IL1RAPL1: variants seen among roughly 807,000 people sequenced by gnomAD.
IL1RAPL1 encodes the protein interleukin 1 receptor accessory protein like 1.
IL1RAPL1 carries 3 observed loss-of-function variants against 48.4 expected under a neutral mutation model. The observed-to-expected ratio is 0.06, with a 90% confidence interval of 0.03 to 0.16. The LOEUF (loss-of-function observed/expected upper bound fraction) is 0.16. Among genes scored for constraint, IL1RAPL1 ranks in the 10% least tolerant of loss-of-function variants. The pLI, the probability that IL1RAPL1 is intolerant of heterozygous loss-of-function variation, is 1.00. For missense variants in IL1RAPL1, 349 were observed against 530.6 expected (o/e 0.66, Z 3.36); for synonymous variants, 185 against 187.7 (o/e 0.99, Z 0.12).
At chrX:29,474,684 C>T (rs956504253) in intron 5 of IL1RAPL1, among the ~76,000 whole-genome samples, 2 of 111,697 alleles carry the variant, frequency 1.8e-5, no homozygotes, top group Non-Finnish European at 3.8e-5. Flanking sequence ...CTCTTTTAAA[C>T]AACCAGATCT....
chrX:28,657,518 G>A (rs1248080454), intron 1 of IL1RAPL1, among the ~76,000 whole-genome samples: 1 of 112,337 alleles, frequency 8.9e-6, no homozygotes, highest in Non-Finnish European at 1.9e-5. Flanking sequence ...GCCAAAATGA[G>A]GTTCTAAGGG....
intron 6 of IL1RAPL1, among the ~76,000 whole-genome samples, chrX:29,826,330 A>C (rs897506587): frequency 8.9e-6 from 1 of 111,950 alleles, no homozygotes; most frequent in South Asian, 3.7e-4. Context: ...CATAACCCCA[A>C]GAATTTCTAA....
At chrX:29,493,069 T>C (rs938044097) in intron 5 of IL1RAPL1, among the ~76,000 whole-genome samples, 1 of 112,157 alleles carries the variant, frequency 8.9e-6, no homozygotes, top group Non-Finnish European at 1.9e-5. Flanking sequence ...ACTGGCATTA[T>C]TGCATTGCAC....
At chrX:29,605,801 T>C (rs1323197494) in intron 5 of IL1RAPL1, among the ~76,000 whole-genome samples, 1 of 112,280 alleles carries the variant, frequency 8.9e-6, no homozygotes, top group Non-Finnish European at 1.9e-5. Flanking sequence ...AAATGTGTAA[T>C]GTTTTTTGAA....
chrX:29,069,628 AACACAC>A (rs56373899), intron 2 of IL1RAPL1, among the ~76,000 whole-genome samples: 941 of 83,721 alleles, frequency 0.011, 15 homozygotes, highest in African/African-American at 0.028. Flanking sequence ...TTTCCTATAG[AACACAC>A]ACACACACAC....
intron 6 of IL1RAPL1, among the ~76,000 whole-genome samples, chrX:29,687,671 G>T (rs776602504): frequency 3.6e-5 from 4 of 111,965 alleles, no homozygotes; most frequent in East Asian, 2.8e-4. Context: ...TCATAAAAAA[G>T]AAATGATATT....
intron 2 of IL1RAPL1, among the ~76,000 whole-genome samples, chrX:28,885,551 C>T (rs752269246): frequency 4.5e-5 from 5 of 111,496 alleles, no homozygotes; most frequent in African/African-American, 9.7e-5. Context: ...AAAAACTTAA[C>T]GTATTTGTTT....
At chrX:29,918,142 A>ATATATATATAT (rs1428911171) in intron 7 of IL1RAPL1, among the ~76,000 whole-genome samples, 1 of 47,752 alleles carries the variant, frequency 2.1e-5, no homozygotes, top group African/African-American at 1.2e-4. Context: ...AAAAAAAAAA[A>ATATATATATAT]AAATATATAT....
intron 5 of IL1RAPL1, among the ~76,000 whole-genome samples, chrX:29,644,568 C>G (rs865983235): frequency 2.0e-5 from 2 of 98,586 alleles, no homozygotes; most frequent in African/African-American, 7.4e-5. Flanking sequence ...GTTTTGTTTT[C>G]TTTTGTTTTT....
Position 28,704,831 on chromosome X carries a change from C to CAAAAAAAAAA in IL1RAPL1, c.-24-84480_-24-84471dup, listed in dbSNP as rs1179973377. Among the ~76,000 whole-genome samples the CAAAAAAAAAA allele has an allele frequency of 8.1e-4, 24 of 29,638 alleles. 1 individual carries two copies. In the East Asian group the frequency reaches 0.01, roughly 13 times the overall value. The allele number at this position is 29,638 out of a possible 115,157, so 25.7% of individuals were successfully genotyped here. On this transcript the variant is annotated intron_variant, in intron 1 of 10. Transcript: ENST00000378993. ...ACACACACACACACACACACACACA[C>CAAAAAAAAAA]AAAAAAAAAAAAAAAAAACTGTGAC...
At chrX:28,674,776 A>C (rs1934981279) in intron 1 of IL1RAPL1, among the ~76,000 whole-genome samples, 1 of 111,712 alleles carries the variant, frequency 9.0e-6, no homozygotes, top group Non-Finnish European at 1.9e-5. Flanking sequence ...GCCCATTGTA[A>C]AGTTAAAGAG....
intron 5 of IL1RAPL1, among the ~76,000 whole-genome samples, chrX:29,631,612 C>T (rs1390163335): frequency 1.8e-5 from 2 of 111,542 alleles, no homozygotes; most frequent in Non-Finnish European, 3.8e-5. Context: ...TTTGAAAAGA[C>T]ATGCTATATG....
chrX:29,454,505 G>A (rs946582187), intron 5 of IL1RAPL1, among the ~76,000 whole-genome samples: 1 of 111,375 alleles, frequency 9.0e-6, no homozygotes, highest in Non-Finnish European at 1.9e-5. Context: ...TGAGGGCCAT[G>A]TGTGCACCAC....
intron 5 of IL1RAPL1, among the ~76,000 whole-genome samples, chrX:29,507,834 C>A (rs1935352791): frequency 9.0e-6 from 1 of 111,227 alleles, no homozygotes; most frequent in Admixed American, 9.5e-5. Context: ...TACTTATAAT[C>A]TTTAAAAAAT....
At chrX:28,939,032 T>C (rs1372831032) in intron 2 of IL1RAPL1, among the ~76,000 whole-genome samples, 1 of 104,567 alleles carries the variant, frequency 9.6e-6, no homozygotes, top group Admixed American at 1.0e-4. Context: ...AAAAAAAAAA[T>C]AACAGATGCT....
At chrX:29,172,634 T>C (rs768294157) in intron 2 of IL1RAPL1, among the ~76,000 whole-genome samples, 1 of 111,886 alleles carries the variant, frequency 8.9e-6, no homozygotes, top group Admixed American at 9.6e-5. Context: ...TCTGAAAATC[T>C]ATCAAGTCCA....
At chrX:29,877,130 C>T (rs761429199) in intron 6 of IL1RAPL1, among the ~76,000 whole-genome samples, 2 of 111,810 alleles carry the variant, frequency 1.8e-5, no homozygotes, top group South Asian at 7.5e-4. Flanking sequence ...ACGAAACAGG[C>T]CTGCAAAATC....
chrX:28,615,209 T>TG lies in IL1RAPL1; in HGVS notation c.-25+27162_-25+27163insG, dbSNP rs1389817894. 7.6e-3 allele frequency among the ~76,000 whole-genome samples: 408 copies of TG among 53,506 alleles called. 8 individuals carry two copies. The East Asian group carries it at 0.11, about 14-fold the overall frequency. 46.5% of individuals were successfully genotyped at this position (53,506 alleles called of 115,157 possible). The stretch of plus-strand genomic sequence containing the variant: ...GGCCAACTGTTGTCTGTTTTTTTTT[T>TG]TTTTTTTTTTTTTTTTTTTTTTTTT... On this transcript the variant is annotated intron_variant, in intron 1 of 10. Coordinates refer to ENST00000378993, the MANE Select transcript of IL1RAPL1 (RefSeq NM_014271.4).
intron 2 of IL1RAPL1, among the ~76,000 whole-genome samples, chrX:28,830,605 C>T (rs1921018685): frequency 9.0e-6 from 1 of 111,516 alleles, no homozygotes; most frequent in Non-Finnish European, 1.9e-5. Flanking sequence ...CATATTCTTG[C>T]AATCGCTGAT....
Sources: allele counts gnomAD v4.1 joint callset (sites outside exome capture counted in the v4.1 genomes callset), GRCh38; gene constraint gnomAD v4.1.1; transcripts MANE v1.5; gene names NCBI Gene and HGNC (gene_info 2026-07-23, HGNC 2026-07-21).